Variants in SYN3 observed in about 807,000 individuals in gnomAD.
SYN3 encodes synapsin-3.
A neutral mutation model predicts 65.8 loss-of-function variants in SYN3; 35 were observed. The ratio of observed to expected loss-of-function variants is 0.53; its 90% CI spans 0.41 to 0.70. The LOEUF (loss-of-function observed/expected upper bound fraction) is 0.70. SYN3 is among the 30% of genes least tolerant of loss of function. The probability of loss-of-function intolerance (pLI) is 0.00; values close to 1 mark genes in which losing one functional copy is unlikely to be tolerated. For synonymous variants in SYN3, 270 were observed against 292.9 expected (o/e 0.92, Z 0.80); for missense variants, 680 against 749.0 (o/e 0.91, Z 1.08).
chr22:32,508,111 G>A lies in SYN3; in HGVS notation c.*5581C>T, dbSNP rs1218705277. On this transcript the variant is annotated 3_prime_UTR_variant, in exon 14 of 14. Coordinates refer to ENST00000358763, the MANE Select transcript of SYN3 (RefSeq NM_003490.4). ...CCCAAGCCAAGCCATCGCATCCCCTGTGACTTGCGCGTATACGCCCAGATG... is the reference window on the plus strand; with the variant it reads ...CCCAAGCCAAGCCATCGCATCCCCTATGACTTGCGCGTATACGCCCAGATG... Among the ~76,000 whole-genome samples, 1 of 152,180 alleles carries A rather than the reference G, an allele frequency of 6.6e-6. No homozygotes were observed. The highest frequency in any genetic ancestry group is 2.4e-5 in the African/African-American group (1 of 41,442).
chr22:32,690,208 C>A (rs891936411), intron 6 of SYN3, among the ~76,000 whole-genome samples: 8 of 152,114 alleles, frequency 5.3e-5, no homozygotes, highest in Non-Finnish European at 8.8e-5. Context: ...AGATCCATCT[C>A]CCCTTCTACC....
chr22:32,603,547 A>G (rs2059318293), intron 6 of SYN3, among the ~76,000 whole-genome samples: 1 of 151,324 alleles, frequency 6.6e-6, no homozygotes, highest in Non-Finnish European at 1.5e-5. Flanking sequence ...GAAAAAAAAA[A>G]AAAAGAAAGA....
chr22:32,657,603 G>A (rs1183749203), intron 6 of SYN3, among the ~76,000 whole-genome samples: 2 of 152,234 alleles, frequency 1.3e-5, no homozygotes, highest in Middle Eastern at 3.2e-3. Context: ...GGGCAGAGCA[G>A]AGTGGGGGTG....
chr22:32,971,784 GAT>G (rs1330242821), intron 3 of SYN3, among the ~76,000 whole-genome samples: 1 of 152,236 alleles, frequency 6.6e-6, no homozygotes, highest in African/African-American at 2.4e-5. Flanking sequence ...CCCTGGGATG[GAT>G]ATTAGCCTGG....
chr22:32,594,619 C>T (rs1053625240), intron 7 of SYN3, among the ~76,000 whole-genome samples: 4 of 152,100 alleles, frequency 2.6e-5, no homozygotes, highest in Admixed American at 2.6e-4. Flanking sequence ...TTCCAAGTAG[C>T]TGGAATTACA....
chr22:32,672,282 A>G (rs2060382378), intron 6 of SYN3, among the ~76,000 whole-genome samples: 1 of 152,240 alleles, frequency 6.6e-6, no homozygotes, highest in African/African-American at 2.4e-5. Context: ...ATCCATCTTT[A>G]AATACATGTA....
chr22:32,766,195 G>A (rs1429946665), intron 6 of SYN3, among the ~76,000 whole-genome samples: 2 of 152,210 alleles, frequency 1.3e-5, no homozygotes, highest in Admixed American at 1.3e-4. Context: ...GGCACTTAGG[G>A]AAGGGATCAG....
intron 6 of SYN3, among the ~76,000 whole-genome samples, chr22:32,683,107 C>T (rs2060545335): frequency 6.6e-6 from 1 of 152,142 alleles, no homozygotes; most frequent in African/African-American, 2.4e-5. Flanking sequence ...GAGCAAGAAG[C>T]TCAGCCAATA....
chr22:32,849,357 A>G, intron 6 of SYN3: 1 of 1,036,278 alleles, frequency 9.6e-7, no homozygotes, highest in East Asian at 2.6e-5. Context: ...GTGCAATTCC[A>G]GGCTCCACAG....
intron 4 of SYN3, among the ~76,000 whole-genome samples, chr22:32,915,060 T>A (rs1012280754): frequency 2.0e-5 from 3 of 152,050 alleles, no homozygotes; most frequent in African/African-American, 7.2e-5. Context: ...GCTATAAGAA[T>A]TATTCATTCA....
At chr22:32,994,333 G>A (rs1158167265) in intron 2 of SYN3, among the ~76,000 whole-genome samples, 1 of 152,164 alleles carries the variant, frequency 6.6e-6, no homozygotes, top group East Asian at 1.9e-4. Flanking sequence ...AGGGGGTGCA[G>A]CGTGGGTGCC....
intron 6 of SYN3, among the ~76,000 whole-genome samples, chr22:32,614,920 A>G (rs906906685): frequency 6.6e-6 from 1 of 151,812 alleles, no homozygotes; most frequent in Non-Finnish European, 1.5e-5. Context: ...CCATGGAAAC[A>G]GCCCCTGACT....
At chr22:32,796,008 T>C (rs1357648704) in intron 6 of SYN3, among the ~76,000 whole-genome samples, 2 of 152,150 alleles carry the variant, frequency 1.3e-5, no homozygotes, top group African/African-American at 4.8e-5. Flanking sequence ...GCTGAGATGC[T>C]TGTGTGTATT....
chr22:32,711,047 C>A (rs2060958454), intron 6 of SYN3, among the ~76,000 whole-genome samples: 1 of 152,182 alleles, frequency 6.6e-6, no homozygotes, highest in African/African-American at 2.4e-5. Context: ...AGGGAGCTGT[C>A]CTACCCACAG....
At chr22:32,640,940 G>A (rs1015598825) in intron 6 of SYN3, among the ~76,000 whole-genome samples, 4 of 152,262 alleles carry the variant, frequency 2.6e-5, no homozygotes, top group African/African-American at 9.6e-5. Flanking sequence ...AGTCACAGGG[G>A]TATTATAAAT....
chr22:32,919,109 C>T (rs1227544382), intron 4 of SYN3, among the ~76,000 whole-genome samples: 1 of 152,160 alleles, frequency 6.6e-6, no homozygotes, highest in African/African-American at 2.4e-5. Context: ...AAGTCTCTGC[C>T]TTTCTCCTTC....
intron 4 of SYN3, among the ~76,000 whole-genome samples, chr22:32,902,460 T>C (rs1415578146): frequency 6.6e-6 from 1 of 152,248 alleles, no homozygotes; most frequent in Non-Finnish European, 1.5e-5. Context: ...GGTCTGAAGA[T>C]AGAGGAAGCC....
At chr22:32,808,862 C>T (rs933049093) in intron 6 of SYN3, among the ~76,000 whole-genome samples, 9 of 152,180 alleles carry the variant, frequency 5.9e-5, no homozygotes, top group South Asian at 2.1e-4. Context: ...ATCATTCCTG[C>T]GCTGGGAGAA....
At chr22:32,697,196 A>G (rs2060748584) in intron 6 of SYN3, among the ~76,000 whole-genome samples, 1 of 152,168 alleles carries the variant, frequency 6.6e-6, no homozygotes, top group South Asian at 2.1e-4. Flanking sequence ...ATTAAAATCC[A>G]CCTACAGTGG....
Sources: allele counts gnomAD v4.1 joint callset (sites outside exome capture counted in the v4.1 genomes callset), GRCh38; gene constraint gnomAD v4.1.1; transcripts MANE v1.5; gene names NCBI Gene and HGNC (gene_info 2026-07-23, HGNC 2026-07-21).